PTPRJ: variants seen among roughly 807,000 people sequenced by gnomAD.
PTPRJ encodes the protein receptor-type tyrosine-protein phosphatase eta.
In PTPRJ, 129 loss-of-function variants were observed where a neutral mutation model predicts 141.3. The observed-to-expected ratio is 0.91, with a 90% CI of 0.79 to 1.06. The LOEUF is 1.06. PTPRJ is among the 50% of genes least tolerant of loss of function. The probability of loss-of-function intolerance (pLI) is 0.00; values close to 1 mark genes in which losing one functional copy is unlikely to be tolerated. For synonymous variants in PTPRJ, 610 were observed against 640.5 expected (o/e 0.95, Z 0.72); for missense variants, 1,601 against 1,679.7 (o/e 0.95, Z 0.82).
At chr11:48,148,362 A>C (rs1327099918) in intron 15 of PTPRJ, among the ~76,000 whole-genome samples, 2 of 152,228 alleles carry the variant, frequency 1.3e-5, no homozygotes, top group African/African-American at 4.8e-5. Context: ...GTGTGCACAC[A>C]CATGGAATCA....
chr11:48,139,706 C>G lies in PTPRJ; in HGVS notation c.2373C>G (p.Ile791Met). 6.2e-7 allele frequency: 1 copy of G among 1,614,182 alleles called. No individual in the cohort carries two copies. Among genetic ancestry groups the G allele is most frequent in the South Asian group, 1.1e-5 (1 of 91,086 alleles). The change falls in exon 11 of 25, where the codon ATC becomes ATG. Residue 791 changes from isoleucine (I) to methionine (M), a missense_variant. Physicochemically the swap from Ile to Met is conservative, Grantham distance 10 (BLOSUM62 1). Transcript: ENST00000418331. ...TYLNFSTSYNISITTVSCGKM... is the reference protein window; with the variant it reads ...TYLNFSTSYNMSITTVSCGKM... The stretch of plus-strand genomic sequence containing the variant: ...TGAATTTTTCTACCTCGTACAACAT[C>G]AGCATCACCACTGTGTCCTGTGGAA...
chr11:48,072,128 C>T (rs976941627), intron 1 of PTPRJ, among the ~76,000 whole-genome samples: 2 of 152,008 alleles, frequency 1.3e-5, no homozygotes, highest in Non-Finnish European at 2.9e-5. Context: ...TGGTCTTGAG[C>T]TCCTGACCTC....
In PTPRJ at chr11:48,092,307, A is replaced by G. The variant is rs1855888425; in HGVS notation, c.97-17751A>G. Among the ~76,000 whole-genome samples the G allele has an allele frequency of 1.3e-5, 2 of 150,044 alleles. 1 individual carries two copies. Among genetic ancestry groups the G allele is most frequent in the African/African-American group, 4.9e-5 (2 of 40,448 alleles). ...AAGATTTCATCTCAAAAAAAAAAAA[A>G]AAAAAAAAAAGAAAAAGAAAAAAAG... is the stretch of plus-strand genomic sequence containing the variant. On this transcript the variant is annotated intron_variant, in intron 1 of 24. Transcript: ENST00000418331.
intron 1 of PTPRJ, among the ~76,000 whole-genome samples, chr11:48,099,394 G>A (rs901108778): frequency 2.6e-5 from 4 of 152,186 alleles, no homozygotes; most frequent in Non-Finnish European, 5.9e-5. Context: ...GTAAAGTTCT[G>A]TTGGAACTCA....
At chr11:47,999,664 A>C (rs1260624501) in intron 1 of PTPRJ, among the ~76,000 whole-genome samples, 1 of 152,098 alleles carries the variant, frequency 6.6e-6, no homozygotes, top group African/African-American at 2.4e-5. Context: ...CAAGCTCCTC[A>C]TGTGTTGTTA....
intron 1 of PTPRJ, among the ~76,000 whole-genome samples, chr11:48,021,570 G>T (rs996324918): frequency 2.6e-5 from 4 of 151,970 alleles, no homozygotes; most frequent in Non-Finnish European, 4.4e-5. Flanking sequence ...ATTGAGAATG[G>T]GTTGTAAAAT....
At chr11:48,083,768 G>A (rs1855626640) in intron 1 of PTPRJ, among the ~76,000 whole-genome samples, 1 of 152,236 alleles carries the variant, frequency 6.6e-6, no homozygotes, top group African/African-American at 2.4e-5. Context: ...ATGAATGAAT[G>A]AATACTTAAG....
chr11:48,043,980 C>T (rs1316620141), intron 1 of PTPRJ, among the ~76,000 whole-genome samples: 2 of 152,220 alleles, frequency 1.3e-5, no homozygotes, highest in African/African-American at 2.4e-5. Context: ...CTCTCCCCTC[C>T]CTCTGAAGGG....
At chr11:48,003,576 A>G (rs562007817) in intron 1 of PTPRJ, among the ~76,000 whole-genome samples, 2 of 152,322 alleles carry the variant, frequency 1.3e-5, no homozygotes, top group Admixed American at 1.3e-4. Flanking sequence ...GTTCACTGCA[A>G]CGTCCGCCTC....
intron 1 of PTPRJ, among the ~76,000 whole-genome samples, chr11:48,041,169 G>A (rs1296395752): frequency 6.6e-6 from 1 of 151,888 alleles, no homozygotes; most frequent in Non-Finnish European, 1.5e-5. Context: ...GATCATTCAC[G>A]TCTTGAAGTT....
At chr11:48,005,309 G>A (rs186552949) in intron 1 of PTPRJ, among the ~76,000 whole-genome samples, 11 of 151,316 alleles carry the variant, frequency 7.3e-5, no homozygotes, top group Admixed American at 6.6e-4. Context: ...GAATATTTTC[G>A]TTACTCACAA....
At chr11:48,102,982 T>C (rs1019668821) in intron 1 of PTPRJ, among the ~76,000 whole-genome samples, 3 of 152,148 alleles carry the variant, frequency 2.0e-5, no homozygotes, top group Non-Finnish European at 4.4e-5. Flanking sequence ...GCTAGACCAT[T>C]CTGGGACAAG....
At chr11:48,135,032 GATATA>G (rs1216576263) in intron 8 of PTPRJ, among the ~76,000 whole-genome samples, 1 of 152,094 alleles carries the variant, frequency 6.6e-6, no homozygotes, top group African/African-American at 2.4e-5. Flanking sequence ...TCTTTATTGA[GATATA>G]ATATACATAC....
At chr11:48,149,279 C>T (rs1036435349) in intron 15 of PTPRJ, among the ~76,000 whole-genome samples, 168 bp from the exon 16 acceptor site, 1 of 152,006 alleles carries the variant, frequency 6.6e-6, no homozygotes, top group East Asian at 1.9e-4. Context: ...CAGCTTGGGT[C>T]ATTAAGTTTA....
rs34709299 is a variant in PTPRJ, at chr11:48,135,476, CTTTTTTTT to C, written c.1616-547_1616-540del. Reference sequence around the variant, plus strand: ...ACAGGCGTGATCCACCGCGCCTGGCCTTTTTTTTTTTTTTTTTTTTTTTGAGACAGAGC... The same window carrying C: ...ACAGGCGTGATCCACCGCGCCTGGCCTTTTTTTTTTTTTTTGAGACAGAGC... On this transcript the variant is annotated intron_variant, in intron 8 of 24. Transcript: ENST00000418331. Among the ~76,000 whole-genome samples the C allele has an allele frequency of 1.7e-3, 100 of 58,230 alleles. 1 individual carries two copies. Among genetic ancestry groups the C allele is most frequent in the Non-Finnish European group, 2.6e-3 (84 of 32,688 alleles). 38.2% of individuals were successfully genotyped at this position (58,230 alleles called of 152,430 possible).
chr11:48,124,962 A>G lies in PTPRJ; in HGVS notation c.875-6A>G. The G allele has an allele frequency of 1.2e-6, 2 of 1,613,414 alleles. No homozygotes were observed. Among genetic ancestry groups the G allele is most frequent in the East Asian group, 2.2e-5 (1 of 44,866 alleles). ...GATGTCTTTTTGTCTCCTGTGCTTG[A>G]AACAGATGCCAGCAATACAGAGAGA... On this transcript the variant is annotated splice_polypyrimidine_tract_variant and splice_region_variant and intron_variant, in intron 5 of 24. Transcript: ENST00000418331.
chr11:47,992,338 C>A (rs1854218727), intron 1 of PTPRJ, among the ~76,000 whole-genome samples: 1 of 152,070 alleles, frequency 6.6e-6, no homozygotes. Flanking sequence ...CCATGCCTAG[C>A]TAATTTTTGT....
intron 23 of PTPRJ, 60 bp downstream of exon 23, chr11:48,163,678 C>A: frequency 6.5e-7 from 1 of 1,527,674 alleles, no homozygotes. Flanking sequence ...TTTATGAGCA[C>A]TTTACAAAAG....
At chr11:48,131,717 C>G (rs977414433) in intron 8 of PTPRJ, 3 of 504,646 alleles carry the variant, frequency 5.9e-6, no homozygotes, top group East Asian at 6.4e-5. Context: ...GCTTGTGAAG[C>G]CTGAGATATT....
Sources: allele counts gnomAD v4.1 joint callset (sites outside exome capture counted in the v4.1 genomes callset), GRCh38; gene constraint gnomAD v4.1.1; transcripts MANE v1.5; gene names NCBI Gene and HGNC (gene_info 2026-07-23, HGNC 2026-07-21).